The following FOXK2 variants were observed in gnomAD, a reference collection of about 807,000 sequenced individuals.
The protein encoded by FOXK2 is forkhead box K2.
Under a neutral mutation model 53.3 loss-of-function variants are expected in FOXK2, and 24 were observed. The ratio of observed to expected loss-of-function variants is 0.45; its 90% CI spans 0.33 to 0.63. FOXK2 has a LOEUF of 0.63. Ranked by LOEUF, FOXK2 falls within the 30% of genes least tolerant of loss-of-function variation. FOXK2 has a pLI of 0.03. For missense variants in FOXK2, 952 were observed against 910.5 expected (o/e 1.05, Z -0.59); for synonymous variants, 505 against 407.1 (o/e 1.24, Z -2.89).
intron 1 of FOXK2, among the ~76,000 whole-genome samples, chr17:82,543,916 A>G (rs1220884470): frequency 1.3e-5 from 2 of 151,668 alleles, no homozygotes; most frequent in Non-Finnish European, 2.9e-5. Context: ...AGCTGGGACT[A>G]CAGGCACCCG....
chr17:82,559,474 T>G (rs1420039288), intron 1 of FOXK2: 5 of 456,232 alleles, frequency 1.1e-5, no homozygotes, highest in Admixed American at 9.4e-5. Context: ...TTTAAGCCGT[T>G]AGGCTGGTAT....
At chr17:82,559,520 TGGGACGGGCTGCTCATTAGCA>T in intron 1 of FOXK2, 1 of 456,136 alleles carries the variant, frequency 2.2e-6, no homozygotes, top group East Asian at 7.0e-5. Flanking sequence ...CGTCCCCACG[TGGGACGGGCTGCTCATTAGCA>T]GTGAGGAGGA....
In FOXK2 at chr17:82,584,667, C is replaced by T. The variant is rs543275385; in HGVS notation, c.1279+479C>T. 2.8e-4 allele frequency among the ~76,000 whole-genome samples: 42 copies of T among 151,014 alleles called. No homozygotes were observed. The South Asian group carries it at 6.5e-3, about 23-fold the overall frequency. ...AAAGAATTCTCCTGCCTCAGCTTCC[C>T]GAGTAGCTGGGACTACAGGCACACA... is the stretch of plus-strand genomic sequence containing the variant. On this transcript the variant is annotated intron_variant, in intron 6 of 8. Transcript: ENST00000335255.
intron 4 of FOXK2, among the ~76,000 whole-genome samples, chr17:82,573,562 T>TCTCACACACACACACA (rs1185597025): frequency 7.2e-5 from 6 of 83,316 alleles, no homozygotes; most frequent in South Asian, 9.5e-4. Context: ...TCTCTCTCTC[T>TCTCACACACACACACA]CACACACACA....
intron 1 of FOXK2, among the ~76,000 whole-genome samples, chr17:82,520,905 T>A (rs940025687): frequency 9.9e-5 from 15 of 152,146 alleles, no homozygotes; most frequent in African/African-American, 3.6e-4. Flanking sequence ...ACCTTAAAAT[T>A]TAGGGAAAAC....
At chr17:82,565,323 T>C (rs1028015100) in intron 2 of FOXK2, among the ~76,000 whole-genome samples, 8 of 152,166 alleles carry the variant, frequency 5.3e-5, no homozygotes, top group African/African-American at 1.7e-4. Flanking sequence ...CAAATTGAAC[T>C]TCTTGAAAAT....
chr17:82,562,407 C>T (rs2044806355), intron 1 of FOXK2, among the ~76,000 whole-genome samples: 1 of 152,084 alleles, frequency 6.6e-6, no homozygotes, highest in Non-Finnish European at 1.5e-5. Context: ...ATGGAGAAAC[C>T]CCGTCTCTGC....
intron 4 of FOXK2, among the ~76,000 whole-genome samples, chr17:82,572,320 A>G (rs1183181857): frequency 1.3e-5 from 2 of 152,222 alleles, no homozygotes; most frequent in East Asian, 3.8e-4. Flanking sequence ...CATTTTACCA[A>G]GGAACACTTA....
chr17:82,588,084 A>G (rs2045211926), intron 8 of FOXK2, among the ~76,000 whole-genome samples: 1 of 152,206 alleles, frequency 6.6e-6, no homozygotes, highest in Non-Finnish European at 1.5e-5. Flanking sequence ...TGAAACCTGC[A>G]GGTACCTCCT....
At chr17:82,529,740 C>T (rs1027621096) in intron 1 of FOXK2, among the ~76,000 whole-genome samples, 1 of 152,144 alleles carries the variant, frequency 6.6e-6, no homozygotes. Context: ...TGCGGAGTCA[C>T]TAGATAACTC....
At chr17:82,553,040 A>ACTCCTGAG (rs1456442529) in intron 1 of FOXK2, among the ~76,000 whole-genome samples, 1 of 152,144 alleles carries the variant, frequency 6.6e-6, no homozygotes, top group African/African-American at 2.4e-5. Context: ...AGTTCAAGCG[A>ACTCCTGAG]TTCTCCTGCC....
At chr17:82,599,537 C>G (rs747421817) in intron 8 of FOXK2, 1 of 152,330 alleles carries the variant, frequency 6.6e-6, no homozygotes, top group Non-Finnish European at 1.5e-5. Context: ...GAACACACCT[C>G]TGTGGCCTCA....
intron 8 of FOXK2, among the ~76,000 whole-genome samples, chr17:82,596,513 G>A (rs867566880): frequency 6.6e-6 from 1 of 152,286 alleles, no homozygotes; most frequent in African/African-American, 2.4e-5. Context: ...CCGGGACCGC[G>A]CACACGTGGG....
At chr17:82,534,515 G>A (rs1043222960) in intron 1 of FOXK2, among the ~76,000 whole-genome samples, 4 of 152,194 alleles carry the variant, frequency 2.6e-5, no homozygotes, top group Admixed American at 1.3e-4. Context: ...GCTCTAGGTC[G>A]TCATGCCTCA....
intron 1 of FOXK2, among the ~76,000 whole-genome samples, chr17:82,556,140 A>G (rs1039758985): frequency 2.0e-5 from 3 of 152,034 alleles, no homozygotes; most frequent in Non-Finnish European, 4.4e-5. Flanking sequence ...CGCAGTCAGA[A>G]TCTAGATGAA....
chr17:82,601,089 A>G, intron 8 of FOXK2: 1 of 508,002 alleles, frequency 2.0e-6, no homozygotes, highest in Middle Eastern at 5.3e-4. Context: ...CCAAGGGCCC[A>G]GCCCAGGCTC....
intron 1 of FOXK2, among the ~76,000 whole-genome samples, chr17:82,555,623 G>A (rs2044715965): frequency 6.6e-6 from 1 of 151,694 alleles, no homozygotes; most frequent in Admixed American, 6.6e-5. Context: ...GGTGGCTCAC[G>A]CCTGTAATCC....
chr17:82,588,724 T>C lies in FOXK2; in HGVS notation c.1786+1452T>C, dbSNP rs148542289. Among the ~76,000 whole-genome samples the C allele has an allele frequency of 5.6e-3, 847 of 152,058 alleles. 7 individuals are homozygous for C. Among genetic ancestry groups the C allele is most frequent in the African/African-American group, 0.019 (799 of 41,498 alleles). On this transcript the variant is annotated intron_variant, in intron 8 of 8. Coordinates refer to ENST00000335255, the MANE Select transcript of FOXK2 (RefSeq NM_004514.4). ...GAGCCTCCGGTGCAGGTCAGAGGCT[T>C]TCTGGGTCCACCTCTCTTAGAAGCA...
At chr17:82,524,114 C>T (rs1463362985) in intron 1 of FOXK2, among the ~76,000 whole-genome samples, 1 of 152,004 alleles carries the variant, frequency 6.6e-6, no homozygotes, top group Non-Finnish European at 1.5e-5. Context: ...GTCTCAAACT[C>T]CTGAACTCAG....
Sources: gnomAD v4.1 joint callset for allele counts (sites outside exome capture counted in the v4.1 genomes callset) on GRCh38, gnomAD v4.1.1 for gene constraint, MANE v1.5 for transcripts, NCBI Gene and HGNC (gene_info 2026-07-23, HGNC 2026-07-21) for gene names.